The following ARMH3 variants were observed in gnomAD, a reference collection of about 807,000 sequenced individuals.
The protein encoded by ARMH3 is armadillo like helical domain containing 3.
A neutral mutation model predicts 99.1 loss-of-function variants in ARMH3; 60 were observed. The observed-to-expected ratio is 0.61, with a 90% CI of 0.49 to 0.75. The LOEUF (loss-of-function observed/expected upper bound fraction) is 0.75, where lower values mean the gene tolerates loss of function less well. ARMH3 is among the 30% of genes least tolerant of loss of function. The pLI is 0.00. For synonymous variants in ARMH3, 285 were observed against 292.8 expected (o/e 0.97, Z 0.27); for missense variants, 679 against 843.1 (o/e 0.81, Z 2.41).
chr10:102,038,679 C>T (rs563755106), intron 2 of ARMH3, among the ~76,000 whole-genome samples: 4 of 152,102 alleles, frequency 2.6e-5, no homozygotes, highest in South Asian at 2.1e-4. Flanking sequence ...TAGAACTCCT[C>T]TATATTTAGT....
In ARMH3 at chr10:102,010,607, TATG is replaced by T. The variant is rs1224627718; in HGVS notation, c.832-587_832-585del. ...AATGGAGTAGGCTGCCTCTAATGTG[TATG>T]ATATCAGAAGCACTAAGATGCCTAC... On this transcript the variant is annotated intron_variant, in intron 11 of 25. Transcript: ENST00000370033. 2.6e-5 allele frequency among the ~76,000 whole-genome samples: 4 copies of T among 152,324 alleles called. No homozygotes were observed. The East Asian group carries it at 7.7e-4, about 29-fold the overall frequency.
chr10:102,006,862 C>T (rs1370208083), intron 13 of ARMH3, among the ~76,000 whole-genome samples: 1 of 151,884 alleles, frequency 6.6e-6, no homozygotes, highest in African/African-American at 2.4e-5. Flanking sequence ...TGCCCCTAGT[C>T]TCATAATTAG....
chr10:102,017,760 A>G (rs899978513), intron 8 of ARMH3, among the ~76,000 whole-genome samples: 4 of 152,204 alleles, frequency 2.6e-5, no homozygotes, highest in African/African-American at 9.6e-5. Flanking sequence ...AGCTCTACCC[A>G]CCATTCATCA....
chr10:101,951,038 AT>A (rs1844761031), intron 22 of ARMH3, among the ~76,000 whole-genome samples: 1 of 152,242 alleles, frequency 6.6e-6, no homozygotes, highest in African/African-American at 2.4e-5. Context: ...AAAAATTAAA[AT>A]TTTCAAAAAT....
chr10:101,964,520 T>C (rs1190542846), intron 20 of ARMH3, among the ~76,000 whole-genome samples: 2 of 152,174 alleles, frequency 1.3e-5, no homozygotes, highest in African/African-American at 4.8e-5. Context: ...AAATATGGTA[T>C]ATACATATGG....
At chr10:101,859,224 C>T (rs183612052) in intron 24 of ARMH3, among the ~76,000 whole-genome samples, 3 of 152,328 alleles carry the variant, frequency 2.0e-5, no homozygotes, top group African/African-American at 7.2e-5. Context: ...CCTTCTAAGA[C>T]TGGGAAAATA....
At chr10:101,866,251 G>A (rs1052694878) in intron 24 of ARMH3, among the ~76,000 whole-genome samples, 12 of 151,604 alleles carry the variant, frequency 7.9e-5, no homozygotes, top group Admixed American at 2.0e-4. Flanking sequence ...GCTATCTTTC[G>A]CAGTTCTCAT....
At chr10:101,986,857 T>TG (rs915334782) in intron 19 of ARMH3, among the ~76,000 whole-genome samples, 2 of 152,058 alleles carry the variant, frequency 1.3e-5, no homozygotes, top group Non-Finnish European at 2.9e-5. Context: ...AGCCTGAGGG[T>TG]GGGACCTTCT....
chr10:102,001,794 A>T (rs1441161936), intron 15 of ARMH3, among the ~76,000 whole-genome samples, 177 bp downstream of exon 15: 1 of 152,108 alleles, frequency 6.6e-6, no homozygotes, highest in African/African-American at 2.4e-5. Context: ...TCCCAACACC[A>T]CCTAATTGCC....
intron 19 of ARMH3, among the ~76,000 whole-genome samples, chr10:101,980,808 C>A (rs1368238350): frequency 6.6e-6 from 1 of 152,016 alleles, no homozygotes; most frequent in Non-Finnish European, 1.5e-5. Context: ...TGGAACCAAC[C>A]CAAATGCCCA....
chr10:101,886,170 A>G lies in ARMH3; in HGVS notation c.1860+3242T>C, dbSNP rs1274153709. Among the ~76,000 whole-genome samples, 39 of 152,088 alleles carry G rather than the reference A, an allele frequency of 2.6e-4. 1 individual carries two copies. The highest frequency in any genetic ancestry group is 2.6e-3 in the Admixed American group (39 of 15,256). ...TTCACAATTAACCCCAGACAAATAT[A>G]GCACCTGCATATATACCATAAAAAT... On this transcript the variant is annotated intron_variant, in intron 24 of 25. Coordinates refer to ENST00000370033, the MANE Select transcript of ARMH3 (RefSeq NM_024541.3).
chr10:101,953,542 C>CTTTTT (rs35546669), intron 22 of ARMH3, among the ~76,000 whole-genome samples: 2 of 117,916 alleles, frequency 1.7e-5, no homozygotes, highest in Non-Finnish European at 1.8e-5. Flanking sequence ...CGTGCCCAGC[C>CTTTTT]TTTTTTTTTT....
chr10:101,891,537 T>C (rs910404864), intron 23 of ARMH3, among the ~76,000 whole-genome samples: 1 of 151,970 alleles, frequency 6.6e-6, no homozygotes, highest in African/African-American at 2.4e-5. Flanking sequence ...AAAACAAGAG[T>C]TGAGAAATTG....
At chr10:101,884,350 T>C (rs1361271032) in intron 24 of ARMH3, among the ~76,000 whole-genome samples, 2 of 152,134 alleles carry the variant, frequency 1.3e-5, no homozygotes, top group Admixed American at 6.5e-5. Flanking sequence ...ACATATCAAA[T>C]GATTCTACCA....
intron 6 of ARMH3, among the ~76,000 whole-genome samples, chr10:102,024,477 CAAATAA>C (rs2066955855): frequency 6.6e-6 from 1 of 150,836 alleles, no homozygotes; most frequent in African/African-American, 2.4e-5. Context: ...AAAGCCAAAA[CAAATAA>C]AAATACTCAG....
rs1184181208 is a variant in ARMH3, at chr10:102,040,006, G to A, written c.102+7C>T. On this transcript the variant is annotated splice_region_variant and intron_variant, in intron 2 of 25. Transcript: ENST00000370033. ...CAAGCTGTACACAACAAGGCCGCAG[G>A]CCTTACCATGAAGATCTCATCATAC... is the stretch of plus-strand genomic sequence containing the variant. The A allele has an allele frequency of 6.2e-7, 1 of 1,611,428 alleles. No homozygotes were observed. The highest frequency in any genetic ancestry group is 8.5e-7 in the Non-Finnish European group (1 of 1,177,676).
At position 101,941,258 on chromosome 10, in the gene ARMH3, C is replaced by A. The variant is rs960713804; in HGVS notation, c.1706-1320G>T. Among the ~76,000 whole-genome samples the A allele has an allele frequency of 6.6e-5, 10 of 152,282 alleles. No homozygotes were observed. In the East Asian group the frequency reaches 1.9e-3, roughly 29 times the overall value. On this transcript the variant is annotated intron_variant, in intron 22 of 25. Coordinates refer to ENST00000370033, the MANE Select transcript of ARMH3 (RefSeq NM_024541.3). ...CACCTACTAGAAAATAACAGCAATA[C>A]CTATATGAAAGAATTGTTATATATA...
intron 2 of ARMH3, among the ~76,000 whole-genome samples, chr10:102,036,215 T>G (rs1359405175): frequency 1.5e-4 from 16 of 109,638 alleles, no homozygotes; most frequent in South Asian, 3.0e-4. Flanking sequence ...AAGTGGGGGG[T>G]CAGCCCCCGC....
chr10:101,892,716 G>A (rs1489107787), intron 23 of ARMH3, among the ~76,000 whole-genome samples: 1 of 152,080 alleles, frequency 6.6e-6, no homozygotes, highest in Non-Finnish European at 1.5e-5. Context: ...ATCTTAGAGG[G>A]TACATTTGTA....
Sources: gnomAD v4.1 joint callset for allele counts (sites outside exome capture counted in the v4.1 genomes callset) on GRCh38, gnomAD v4.1.1 for gene constraint, MANE v1.5 for transcripts, NCBI Gene and HGNC (gene_info 2026-07-23, HGNC 2026-07-21) for gene names.